CDC7: variants seen among roughly 807,000 people sequenced by gnomAD.
The protein encoded by CDC7 is cell division cycle 7.
A neutral mutation model predicts 53.5 loss-of-function variants in CDC7; 34 were observed. The observed-to-expected ratio is 0.64, with a 90% confidence interval of 0.48 to 0.85. CDC7 has a LOEUF of 0.85. Among genes scored for constraint, CDC7 ranks in the 40% least tolerant of loss-of-function variants. The pLI is 0.00. For synonymous variants in CDC7, 211 were observed against 222.8 expected, an observed-to-expected ratio of 0.95 and a Z score of 0.47; for missense variants, 594 against 679.7, an observed-to-expected ratio of 0.87 and a Z score of 1.40.
In CDC7 at chr1:91,507,955, T is replaced by C. The variant is rs1667079922; in HGVS notation, c.199+18T>C. On this transcript the variant is annotated intron_variant, in intron 3 of 11. Coordinates refer to ENST00000234626, the MANE Select transcript of CDC7 (RefSeq NM_003503.4). ...TGGAGAAGGTAATCTGGGGATATGCTTTTACTATTTTTACGAGGTCTTTTT... is the reference window on the plus strand; with the variant it reads ...TGGAGAAGGTAATCTGGGGATATGCCTTTACTATTTTTACGAGGTCTTTTT... 1 of 1,535,790 alleles carries C rather than the reference T, an allele frequency of 6.5e-7. No individual in the cohort carries two copies. The highest frequency in any genetic ancestry group is 1.3e-5 in the South Asian group (1 of 78,194).
chr1:91,510,936 T>A (rs1228569714), intron 4 of CDC7, among the ~76,000 whole-genome samples: 1 of 152,208 alleles, frequency 6.6e-6, no homozygotes, highest in Non-Finnish European at 1.5e-5. Context: ...AGCTCAGTTT[T>A]CTTTTCTCGC....
rs2102414374 is a variant in CDC7 at position 91,524,070 on chromosome 1, C to G, written c.1360C>G (p.Pro454Ala). Reference sequence around the variant, plus strand: ...ATCAATATTATGTAGCAAAGAAGTTCCAGCACAAGACTTGAGAAAACTCTG... The same window carrying G: ...ATCAATATTATGTAGCAAAGAAGTTGCAGCACAAGACTTGAGAAAACTCTG... ...GKSILCSKEV[P>A]AQDLRKLCER... Residue 454 changes from proline to alanine, a missense_variant, in exon 12 of 12, where the codon CCA (proline) becomes GCA (alanine). Physicochemically the swap from Pro to Ala is conservative, Grantham distance 27. Transcript: ENST00000234626. 1 of 1,603,004 alleles carries G rather than the reference C, an allele frequency of 6.2e-7. No homozygotes were observed. The highest frequency in any genetic ancestry group is 1.1e-5 in the South Asian group (1 of 88,548).
intron 10 of CDC7, among the ~76,000 whole-genome samples, chr1:91,518,607 CATT>C (rs1667730032): frequency 7.2e-5 from 11 of 152,202 alleles, no homozygotes; most frequent in Admixed American, 6.5e-4. Flanking sequence ...AACTGGAGAT[CATT>C]ATGTCAGGTG....
chr1:91,506,862 ATC>A (rs1667019528), intron 2 of CDC7, among the ~76,000 whole-genome samples: 1 of 152,132 alleles, frequency 6.6e-6, no homozygotes, highest in South Asian at 2.1e-4. Context: ...AGGCATGAGA[ATC>A]TCTTGAACGC....
Position 91,520,280 on chromosome 1 carries a change from G to A in CDC7, c.1330+1G>A. 1 of 1,590,352 alleles carries A rather than the reference G, an allele frequency of 6.3e-7. No homozygotes were observed. Among genetic ancestry groups the A allele is most frequent in the South Asian group, 1.2e-5 (1 of 85,880 alleles). ...ACTATCCAAGCTGCTAAAACTTTTG[G>A]TAAGCAGTTTTGTATTATAGAACCA... On this transcript the variant is annotated splice_donor_variant, in intron 11 of 11. Coordinates refer to ENST00000234626, the MANE Select transcript of CDC7 (RefSeq NM_003503.4). LOFTEE classifies it high-confidence loss of function.
chr1:91,513,366 C>T, intron 7 of CDC7, 59 bp downstream of exon 7: 4 of 1,487,768 alleles, frequency 2.7e-6, no homozygotes, highest in Non-Finnish European at 2.8e-6. Context: ...CTCCTTCAAC[C>T]AACAGAGGGA....
chr1:91,502,592 C>CT (rs1666751766), intron 2 of CDC7, among the ~76,000 whole-genome samples: 1 of 152,168 alleles, frequency 6.6e-6, no homozygotes, highest in South Asian at 2.1e-4. Context: ...ACATCACATA[C>CT]TTTCTGCTTT....
In CDC7 at chr1:91,520,608, G is replaced by A. The variant is rs1010176954; in HGVS notation, c.1330+329G>A. ...TACATAAATTTACCTTTTATTAAAG[G>A]CATGTTTTACTTTGTAATATGTTTT... On this transcript the variant is annotated intron_variant, in intron 11 of 11. Coordinates refer to ENST00000234626, the MANE Select transcript of CDC7 (RefSeq NM_003503.4). Among the ~76,000 whole-genome samples, 56 of 152,168 alleles carry A rather than the reference G, an allele frequency of 3.7e-4. 1 individual carries two copies. Among genetic ancestry groups the A allele is most frequent in the African/African-American group, 1.3e-3 (55 of 41,532 alleles).
rs1430150766 is a variant in CDC7, at chr1:91,508,329, A to G, written c.267A>G (p.Leu89=). ...TAGGACCTGAAGAGAAAATTGCTCT[A>G]AAACACTTGATTCCAACAAGTCATC... ...LQVGPEEKIA[L]KHLIPTSHPI... is the part of the protein sequence containing the mutation. Residue 89 remains leucine (L), a synonymous_variant, in exon 4 of 12, where the codon CTA becomes CTG. Transcript: ENST00000234626. 3 of 1,612,648 alleles carry G rather than the reference A, an allele frequency of 1.9e-6. No individual in the cohort carries two copies. Among genetic ancestry groups the G allele is most frequent in the African/African-American group, 1.3e-5 (1 of 75,026 alleles).
chr1:91,519,285 G>C (rs1278607539), intron 10 of CDC7, among the ~76,000 whole-genome samples: 1 of 136,276 alleles, frequency 7.3e-6, no homozygotes, highest in East Asian at 2.2e-4. Context: ...AAAAAAAAGA[G>C]CTGGGCATGG....
At chr1:91,516,019 T>G (rs1449644764) in intron 10 of CDC7, 143 bp downstream of exon 10, 4 of 647,362 alleles carry the variant, frequency 6.2e-6, no homozygotes, top group Non-Finnish European at 1.0e-5. Context: ...GTGGCATTCC[T>G]ATTTTTGAGC....
rs145175566 is a variant in CDC7, at chr1:91,503,184, G to A, written c.115+1353G>A. ...TTCTAATATTCTGAAAATCTGCTGGGAAGTAATGAATGGGGTGAATTTTAT... is the reference window on the plus strand; with the variant it reads ...TTCTAATATTCTGAAAATCTGCTGGAAAGTAATGAATGGGGTGAATTTTAT... On this transcript the variant is annotated intron_variant, in intron 2 of 11. Coordinates refer to ENST00000234626, the MANE Select transcript of CDC7 (RefSeq NM_003503.4). Among the ~76,000 whole-genome samples, 1,457 of 152,236 alleles carry A rather than the reference G, an allele frequency of 9.6e-3. 14 individuals carry two copies. Among genetic ancestry groups the A allele is most frequent in the Middle Eastern group, 0.017 (5 of 294 alleles).
At chr1:91,509,466 A>G (rs1459339557) in intron 4 of CDC7, among the ~76,000 whole-genome samples, 1 of 151,676 alleles carries the variant, frequency 6.6e-6, no homozygotes, top group Non-Finnish European at 1.5e-5. Flanking sequence ...AAACCTAGAA[A>G]TCATCCTCAT....
At chr1:91,516,737 A>G (rs1189779405) in intron 10 of CDC7, among the ~76,000 whole-genome samples, 2 of 152,206 alleles carry the variant, frequency 1.3e-5, no homozygotes, top group African/African-American at 4.8e-5. Context: ...GCATGAGCCA[A>G]GGAACTCAAG....
At chr1:91,504,914 G>A (rs1195944784) in intron 2 of CDC7, among the ~76,000 whole-genome samples, 3 of 152,096 alleles carry the variant, frequency 2.0e-5, no homozygotes, top group Admixed American at 2.0e-4. Flanking sequence ...CCATAAAACA[G>A]AAATTAACAC....
intron 11 of CDC7, among the ~76,000 whole-genome samples, chr1:91,522,445 AAAAAG>A (rs1172954727): frequency 2.0e-5 from 3 of 152,202 alleles, no homozygotes; most frequent in African/African-American, 4.8e-5. Flanking sequence ...TGAATAAATT[AAAAAG>A]AAAAGTCTTG....
At position 91,524,382 on chromosome 1, in the gene CDC7, A is replaced by AG; in HGVS notation, c.1672_1673insG (p.Ile558SerfsTer13). ...TCTAGATCTAAATCCAGCTTCAAGA[A>AG]TAACAGCAGAAGAAGCTTTGTTGCA... On this transcript the variant is annotated frameshift_variant, in exon 12 of 12. Transcript: ENST00000234626. LOFTEE classifies it high-confidence loss of function. 1 of 1,612,882 alleles carries AG rather than the reference A, an allele frequency of 6.2e-7. No homozygotes were observed. The highest frequency in any genetic ancestry group is 8.5e-7 in the Non-Finnish European group (1 of 1,179,824).
chr1:91,515,048 A>G (rs1667486940), intron 9 of CDC7, 51 bp downstream of exon 9: 3 of 1,524,988 alleles, frequency 2.0e-6, no homozygotes, highest in Non-Finnish European at 2.7e-6. Flanking sequence ...GCCATTAGAA[A>G]TTGCATTGAC....
At chr1:91,514,170 AT>A in intron 8 of CDC7, 127 bp downstream of exon 8, 1 of 548,460 alleles carries the variant, frequency 1.8e-6, no homozygotes, top group Non-Finnish European at 3.2e-6. Flanking sequence ...GGCAGAAGGT[AT>A]TACTGCTTTA....
Sources: allele counts gnomAD v4.1 joint callset (sites outside exome capture counted in the v4.1 genomes callset), GRCh38; gene constraint gnomAD v4.1.1; transcripts MANE v1.5; gene names NCBI Gene and HGNC (gene_info 2026-07-23, HGNC 2026-07-21).